Variants in LRP1B observed in about 807,000 individuals in gnomAD.
LRP1B encodes the protein LDL receptor related protein 1B, also known as low-density lipoprotein receptor-related protein 1B.
LRP1B carries 217 observed loss-of-function variants against 556.6 expected under a neutral mutation model. The observed-to-expected ratio is 0.39, with a 90% CI of 0.35 to 0.44. The LOEUF (loss-of-function observed/expected upper bound fraction) is 0.44. Ranked by LOEUF, LRP1B falls within the 20% of genes least tolerant of loss-of-function variation. The probability of loss-of-function intolerance (pLI) is 1.00; values close to 1 mark genes in which losing one functional copy is unlikely to be tolerated. For missense variants in LRP1B, 5,053 were observed against 5,620.8 expected, an observed-to-expected ratio of 0.90 and a Z score of 3.23; for synonymous variants, 2,047 against 1,865.8, an observed-to-expected ratio of 1.10 and a Z score of -2.50.
At chr2:140,802,907 A>G (rs1213852176) in intron 32 of LRP1B, among the ~76,000 whole-genome samples, 2 of 152,120 alleles carry the variant, frequency 1.3e-5, no homozygotes, top group Non-Finnish European at 2.9e-5. Context: ...ATTCTTAGTT[A>G]AGTAGATTCA....
At chr2:141,841,828 A>G (rs2105761396) in intron 1 of LRP1B, among the ~76,000 whole-genome samples, 1 of 152,324 alleles carries the variant, frequency 6.6e-6, no homozygotes, top group South Asian at 2.1e-4. Context: ...ACATCATATA[A>G]TAACTACACT....
At chr2:141,648,824 C>T (rs1376414593) in intron 2 of LRP1B, among the ~76,000 whole-genome samples, 1 of 152,224 alleles carries the variant, frequency 6.6e-6, no homozygotes, top group Non-Finnish European at 1.5e-5. Flanking sequence ...GGACACCCTT[C>T]TCGGATGTGT....
At chr2:140,589,386 G>C (rs1682124781) in intron 43 of LRP1B, among the ~76,000 whole-genome samples, 1 of 151,288 alleles carries the variant, frequency 6.6e-6, no homozygotes, top group Non-Finnish European at 1.5e-5. Context: ...CAGTTTGTCA[G>C]TTTCTTAAAA....
Position 141,015,836 on chromosome 2 carries a change from A to G in LRP1B, c.2050T>C (p.Phe684Leu), listed in dbSNP as rs1368445516. ...GAAGTCACAAAAATCTGCCGATTGA[A>G]TCCATCCATCCAGGCCTTCTCAATC... The part of the protein sequence containing the change: ...GRIEKAWMDG[F>L]NRQIFVTSKM... Residue 684 changes from phenylalanine (F) to leucine (L), a missense_variant, in exon 13 of 91, where the codon TTC (phenylalanine) becomes CTC (leucine). Coordinates refer to ENST00000389484, the MANE Select transcript of LRP1B (RefSeq NM_018557.3). 6.2e-7 allele frequency: 1 copy of G among 1,613,538 alleles called. No homozygotes were observed. The highest frequency in any genetic ancestry group is 8.5e-7 in the Non-Finnish European group (1 of 1,179,674).
intron 1 of LRP1B, among the ~76,000 whole-genome samples, chr2:141,871,843 CA>C (rs1698597011): frequency 1.3e-5 from 2 of 151,878 alleles, no homozygotes; most frequent in African/African-American, 4.8e-5. Flanking sequence ...GAAATAAGAC[CA>C]CCCTCAACCT....
At chr2:141,421,303 C>T (rs1164236023) in intron 3 of LRP1B, among the ~76,000 whole-genome samples, 5 of 151,954 alleles carry the variant, frequency 3.3e-5, no homozygotes, top group African/African-American at 1.2e-4. Flanking sequence ...CCGAGGTGGG[C>T]GGATCACGAG....
chr2:140,990,097 C>T (rs1372907346), intron 16 of LRP1B, among the ~76,000 whole-genome samples: 1 of 151,886 alleles, frequency 6.6e-6, no homozygotes, highest in African/African-American at 2.4e-5. Context: ...ATCCCAGCTA[C>T]TTGGGAGGCT....
chr2:140,527,926 T>C (rs16844137), intron 47 of LRP1B, among the ~76,000 whole-genome samples: 4,686 of 152,042 alleles, frequency 0.031, 261 homozygotes, highest in African/African-American at 0.11. Flanking sequence ...TTTAATAACA[T>C]TTTAGGTAGT....
intron 1 of LRP1B, among the ~76,000 whole-genome samples, chr2:142,040,671 CA>C (rs542269909): frequency 6.9e-6 from 1 of 145,408 alleles, no homozygotes; most frequent in East Asian, 2.0e-4. Context: ...GAAAGCAAGA[CA>C]AAAAAAGTCC....
At chr2:141,832,766 T>C (rs1414161149) in intron 1 of LRP1B, among the ~76,000 whole-genome samples, 2 of 151,818 alleles carry the variant, frequency 1.3e-5, no homozygotes, top group African/African-American at 4.8e-5. Flanking sequence ...CCTTGTCAAA[T>C]ATTTACAAGT....
Position 140,356,459 on chromosome 2 carries a change from A to G in LRP1B, c.11413T>C (p.Cys3805Arg), listed in dbSNP as rs1383579315. Residue 3805 changes from cysteine to arginine, a missense_variant, in exon 75 of 91, where the codon TGT becomes CGT. Physicochemically the swap from Cys to Arg is radical, Grantham distance 180. Coordinates refer to ENST00000389484, the MANE Select transcript of LRP1B (RefSeq NM_018557.3). ...GCRIAPTEYT[C>R]EDNVNPCGDD... ...CCACATGGATTCACATTATCTTCAC[A>G]GGTATATTCAGTAGGAGCTGGGATT... is the stretch of plus-strand genomic sequence containing the variant. 6.2e-7 allele frequency: 1 copy of G among 1,604,282 alleles called. No homozygotes were observed. The highest frequency in any genetic ancestry group is 8.5e-7 in the Non-Finnish European group (1 of 1,172,824).
intron 20 of LRP1B, among the ~76,000 whole-genome samples, chr2:140,938,206 A>AT (rs11324958): frequency 2.0e-5 from 3 of 151,544 alleles, no homozygotes; most frequent in East Asian, 3.9e-4. Context: ...CCAGCTTCCT[A>AT]TTTTTTTTAA....
intron 3 of LRP1B, among the ~76,000 whole-genome samples, chr2:141,262,994 T>G (rs1033820811): frequency 1.3e-5 from 2 of 151,992 alleles, no homozygotes; most frequent in Admixed American, 6.6e-5. Context: ...ATTGACATCT[T>G]AACACTACTG....
intron 2 of LRP1B, among the ~76,000 whole-genome samples, chr2:141,787,501 T>C (rs559540933): frequency 2.1e-4 from 32 of 151,894 alleles, no homozygotes; most frequent in African/African-American, 7.5e-4. Context: ...AGGCTACCCA[T>C]TGTATGAATC....
At chr2:141,992,228 C>G (rs1702367092) in intron 1 of LRP1B, among the ~76,000 whole-genome samples, 1 of 152,072 alleles carries the variant, frequency 6.6e-6, no homozygotes, top group Non-Finnish European at 1.5e-5. Context: ...ATACAGAGAA[C>G]TGGGAGCATA....
chr2:142,067,262 T>C (rs1287468024), intron 1 of LRP1B, among the ~76,000 whole-genome samples: 1 of 151,530 alleles, frequency 6.6e-6, no homozygotes, highest in Non-Finnish European at 1.5e-5. Context: ...CTATGTAAGG[T>C]AATATATTTA....
chr2:140,866,246 T>G lies in LRP1B; in HGVS notation c.4579+1344A>C, dbSNP rs1348603589. Among the ~76,000 whole-genome samples the G allele has an allele frequency of 2.6e-5, 4 of 152,154 alleles. No homozygotes were observed. In the East Asian group the frequency reaches 7.7e-4, roughly 29 times the overall value. ...TATAAGTGCTTGTCATCTACAGTGTTTGCTTACAGCTAAGCATTCCTCTGT... is the reference window on the plus strand; with the variant it reads ...TATAAGTGCTTGTCATCTACAGTGTGTGCTTACAGCTAAGCATTCCTCTGT... On this transcript the variant is annotated intron_variant, in intron 27 of 90. Transcript: ENST00000389484.
chr2:141,060,354 C>G (rs758220146), intron 8 of LRP1B, among the ~76,000 whole-genome samples: 10 of 151,684 alleles, frequency 6.6e-5, no homozygotes, highest in African/African-American at 1.2e-4. Flanking sequence ...TGTTACTCCA[C>G]AGTATGGACA....
At chr2:141,790,870 TG>T (rs1309107870) in intron 2 of LRP1B, among the ~76,000 whole-genome samples, 1 of 152,006 alleles carries the variant, frequency 6.6e-6, no homozygotes, top group Non-Finnish European at 1.5e-5. Context: ...ATTTTTTTGT[TG>T]TATAGAAATA....
Sources: allele counts gnomAD v4.1 joint callset (sites outside exome capture counted in the v4.1 genomes callset), GRCh38; gene constraint gnomAD v4.1.1; transcripts MANE v1.5; gene names NCBI Gene and HGNC (gene_info 2026-07-23, HGNC 2026-07-21).